BANK1: variants seen among roughly 807,000 people sequenced by gnomAD.
BANK1 encodes the protein B cell scaffold protein with ankyrin repeats 1.
BANK1 carries 95 observed loss-of-function variants against 94.5 expected under a neutral mutation model. The ratio of observed to expected loss-of-function variants is 1.00; its 90% CI spans 0.85 to 1.19. The LOEUF (loss-of-function observed/expected upper bound fraction) is 1.19, where lower values mean the gene tolerates loss of function less well. Among genes scored for constraint, BANK1 ranks in the 50% most tolerant of loss-of-function variants. The pLI is 0.00. For missense variants in BANK1, 987 were observed against 932.2 expected (o/e 1.06, Z -0.77); for synonymous variants, 334 against 308.4 (o/e 1.08, Z -0.87).
At chr4:101,965,721 T>G (rs1159183805) in intron 7 of BANK1, among the ~76,000 whole-genome samples, 1 of 152,026 alleles carries the variant, frequency 6.6e-6, no homozygotes, top group Non-Finnish European at 1.5e-5. Context: ...CTCATATTAG[T>G]TGGACATTCA....
chr4:102,025,047 T>G (rs1578463162), intron 8 of BANK1, among the ~76,000 whole-genome samples, 154 bp from the exon 9 acceptor site: 1 of 152,230 alleles, frequency 6.6e-6, no homozygotes, highest in Non-Finnish European at 1.5e-5. Flanking sequence ...AATAAATGAC[T>G]GTTCACTAAA....
intron 7 of BANK1, among the ~76,000 whole-genome samples, chr4:101,989,522 AAAG>A (rs1725629650): frequency 6.6e-6 from 1 of 151,996 alleles, no homozygotes; most frequent in Non-Finnish European, 1.5e-5. Context: ...TAATTAATCT[AAAG>A]AACTTATTTC....
At chr4:101,979,664 A>T (rs1051967831) in intron 7 of BANK1, among the ~76,000 whole-genome samples, 1 of 151,828 alleles carries the variant, frequency 6.6e-6, no homozygotes, top group South Asian at 2.1e-4. Flanking sequence ...ATTCTTAAGG[A>T]CTGCTAACAT....
At chr4:101,959,738 G>T (rs570247643) in intron 7 of BANK1, among the ~76,000 whole-genome samples, 4 of 152,150 alleles carry the variant, frequency 2.6e-5, no homozygotes, top group Admixed American at 6.5e-5. Flanking sequence ...GCTCTCCCAG[G>T]GTTTCTTTGA....
intron 7 of BANK1, among the ~76,000 whole-genome samples, chr4:102,007,066 T>TATATATAAATATATATATATATA (rs1491352771): frequency 1.0e-5 from 1 of 99,160 alleles, no homozygotes; most frequent in African/African-American, 4.1e-5. Context: ...AAATATATAA[T>TATATATAAATATATATATATATA]TTTATATATA....
intron 9 of BANK1, among the ~76,000 whole-genome samples, chr4:102,027,955 C>T (rs1207892683): frequency 6.6e-6 from 1 of 152,014 alleles, no homozygotes; most frequent in Admixed American, 6.6e-5. Context: ...CAGTCTTGAC[C>T]CAATTACTTC....
At chr4:101,824,415 C>G (rs1170683285) in intron 1 of BANK1, among the ~76,000 whole-genome samples, 2 of 152,112 alleles carry the variant, frequency 1.3e-5, no homozygotes. Context: ...TATGAATGTC[C>G]CACTATGAAT....
At chr4:102,045,383 G>C (rs974314659) in intron 11 of BANK1, among the ~76,000 whole-genome samples, 17 of 152,068 alleles carry the variant, frequency 1.1e-4, no homozygotes, top group African/African-American at 4.1e-4. Flanking sequence ...ACTGGCACAA[G>C]ACAGGGATGC....
intron 1 of BANK1, among the ~76,000 whole-genome samples, chr4:101,829,256 A>T (rs1479098043): frequency 1.3e-5 from 2 of 152,144 alleles, no homozygotes; most frequent in Non-Finnish European, 2.9e-5. Context: ...CAAGGATTTT[A>T]AAAATTATTA....
intron 11 of BANK1, among the ~76,000 whole-genome samples, chr4:102,056,588 G>GT (rs1230655176): frequency 6.6e-6 from 1 of 151,990 alleles, no homozygotes; most frequent in Non-Finnish European, 1.5e-5. Context: ...CCACCAAGAC[G>GT]TTTACGATAC....
chr4:101,936,329 AC>A (rs1242190932), intron 7 of BANK1, among the ~76,000 whole-genome samples: 1 of 150,444 alleles, frequency 6.6e-6, no homozygotes, highest in African/African-American at 2.4e-5. Context: ...ATGTATCCAT[AC>A]ATATATATGT....
intron 6 of BANK1, among the ~76,000 whole-genome samples, chr4:101,896,978 T>C (rs1722103854): frequency 6.6e-6 from 1 of 152,044 alleles, no homozygotes; most frequent in Admixed American, 6.6e-5. Context: ...TGAATAATGT[T>C]CCAATGTATA....
intron 7 of BANK1, among the ~76,000 whole-genome samples, chr4:101,969,191 T>C (rs1724866094): frequency 6.6e-6 from 1 of 152,110 alleles, no homozygotes; most frequent in Non-Finnish European, 1.5e-5. Flanking sequence ...TCCTGAACTA[T>C]AGCTTTCTCT....
chr4:102,004,151 G>A (rs1247623868), intron 7 of BANK1, among the ~76,000 whole-genome samples: 1 of 151,932 alleles, frequency 6.6e-6, no homozygotes, highest in Non-Finnish European at 1.5e-5. Flanking sequence ...ACAGAGGCAG[G>A]AACTTTATCA....
At chr4:101,897,182 G>A (rs909820112) in intron 6 of BANK1, among the ~76,000 whole-genome samples, 3 of 151,858 alleles carry the variant, frequency 2.0e-5, no homozygotes, top group Admixed American at 1.3e-4. Context: ...TTCAAGCTAG[G>A]GAACCAATGA....
At chr4:101,892,660 A>G (rs1225569359) in intron 5 of BANK1, among the ~76,000 whole-genome samples, 1 of 151,928 alleles carries the variant, frequency 6.6e-6, no homozygotes, top group Non-Finnish European at 1.5e-5. Flanking sequence ...GTCTTAGGAT[A>G]AATGTGATTT....
chr4:101,841,769 T>TC (rs1389917396), intron 2 of BANK1, among the ~76,000 whole-genome samples: 1 of 83,654 alleles, frequency 1.2e-5, no homozygotes, highest in Non-Finnish European at 2.3e-5. Flanking sequence ...ATGCTATCCC[T>TC]CCCCCCTCCC....
Position 101,830,164 on chromosome 4 carries a change from C to T in BANK1, c.427C>T (p.Pro143Ser). The change falls in exon 2 of 17, where the codon CCT becomes TCT. Residue 143 changes from proline to serine, a missense_variant. By Grantham distance (74) the Pro-to-Ser change is moderately conservative. Transcript: ENST00000322953. Reference sequence around the variant, plus strand: ...ATGGGAGATCTCAACTGAACAGGAACCTGAAGACTACATCTCTGTAATCCA... The same window carrying T: ...ATGGGAGATCTCAACTGAACAGGAATCTGAAGACTACATCTCTGTAATCCA... ...SRWEISTEQE[P>S]EDYISVIQSI... 1 of 1,593,210 alleles carries T rather than the reference C, an allele frequency of 6.3e-7. No homozygotes were observed. The highest frequency in any genetic ancestry group is 2.2e-5 in the East Asian group (1 of 44,516).
Position 101,893,548 on chromosome 4 carries a change from C to A in BANK1, c.904-1757C>A, listed in dbSNP as rs571933277. The stretch of plus-strand genomic sequence containing the variant: ...TATGATTTTCATATATTTAAAATTT[C>A]TTTCATCAGTTTGTATCACTAAAAC... On this transcript the variant is annotated intron_variant, in intron 5 of 16. Transcript: ENST00000322953. Among the ~76,000 whole-genome samples the A allele has an allele frequency of 2.3e-4, 35 of 152,046 alleles. 2 individuals carry two copies. The highest frequency in any genetic ancestry group is 2.0e-3 in the Admixed American group (30 of 15,264).
Sources: gnomAD v4.1 joint callset for allele counts (sites outside exome capture counted in the v4.1 genomes callset) on GRCh38, gnomAD v4.1.1 for gene constraint, MANE v1.5 for transcripts, NCBI Gene and HGNC (gene_info 2026-07-23, HGNC 2026-07-21) for gene names.